Variants in NNT observed in about 807,000 individuals in gnomAD.
NNT encodes the protein NAD(P) transhydrogenase, mitochondrial.
A neutral mutation model predicts 104.8 loss-of-function variants in NNT; 50 were observed. The observed-to-expected ratio is 0.48, with a 90% CI of 0.38 to 0.60. The LOEUF (loss-of-function observed/expected upper bound fraction) is 0.60. Ranked by LOEUF, NNT falls within the 20% of genes least tolerant of loss-of-function variation. The probability of loss-of-function intolerance (pLI) is 0.00; values close to 1 mark genes in which losing one functional copy is unlikely to be tolerated. For synonymous variants in NNT, 461 were observed against 490.4 expected (o/e 0.94, Z 0.79); for missense variants, 1,131 against 1,330.7 (o/e 0.85, Z 2.33).
intron 19 of NNT, among the ~76,000 whole-genome samples, chr5:43,697,904 T>A (rs1443063046): frequency 6.6e-6 from 1 of 152,080 alleles, no homozygotes; most frequent in Non-Finnish European, 1.5e-5. Flanking sequence ...TTCCACCAGG[T>A]CCCTTCCACA....
At position 43,704,277 on chromosome 5, in the gene NNT, T is replaced by A; in HGVS notation, c.3134T>A (p.Leu1045Ter). ...SKQVIVMKRS[L>*]GVGYAAVDNP... is the part of the protein sequence containing the mutation. Reference sequence around the variant, plus strand: ...CAGGTGATTGTTATGAAGAGGTCTTTGGGTGTTGGCTATGCTGCAGTGGAC... The same window carrying A: ...CAGGTGATTGTTATGAAGAGGTCTTAGGGTGTTGGCTATGCTGCAGTGGAC... The change falls in exon 22 of 22, where the codon TTG (leucine) becomes TAG (stop). Residue 1045 changes from leucine (L) to a stop codon, truncating the protein, a stop_gained. Transcript: ENST00000344920. LOFTEE classifies it high-confidence loss of function. The A allele has an allele frequency of 6.3e-7, 1 of 1,593,668 alleles. No individual in the cohort carries two copies. Among genetic ancestry groups the A allele is most frequent in the South Asian group, 1.1e-5 (1 of 87,666 alleles).
intron 5 of NNT, among the ~76,000 whole-genome samples, chr5:43,621,204 G>T (rs558065232): frequency 3.0e-4 from 45 of 152,288 alleles, no homozygotes; most frequent in African/African-American, 1.1e-3. Flanking sequence ...TTTTGAATGC[G>T]GCCCAACACA....
chr5:43,658,870 C>T (rs1740198623), intron 16 of NNT, among the ~76,000 whole-genome samples: 1 of 152,128 alleles, frequency 6.6e-6, no homozygotes, highest in East Asian at 1.9e-4. Context: ...GGGAAATTCA[C>T]TTAGTGTCAT....
At chr5:43,701,684 A>G (rs187167561) in intron 20 of NNT, among the ~76,000 whole-genome samples, 2 of 152,288 alleles carry the variant, frequency 1.3e-5, no homozygotes, top group Non-Finnish European at 2.9e-5. Flanking sequence ...ACTAATTTAC[A>G]TTTCTACAAA....
chr5:43,649,018 T>G, intron 10 of NNT, 129 bp from the exon 11 acceptor site: 1 of 1,056,794 alleles, frequency 9.5e-7, no homozygotes. Context: ...GTCTAAAAAA[T>G]CTGCTCATTA....
intron 7 of NNT, among the ~76,000 whole-genome samples, chr5:43,639,187 A>G (rs1751093031): frequency 6.6e-6 from 1 of 152,140 alleles, no homozygotes; most frequent in African/African-American, 2.4e-5. Context: ...AAAAAGCAGA[A>G]CTTAGTTTTT....
rs1284877007 is a variant in NNT, at chr5:43,685,566, GT to G, written c.2876+7763del. Among the ~76,000 whole-genome samples, 3 of 152,220 alleles carry G rather than the reference GT, an allele frequency of 2.0e-5. No individual in the cohort carries two copies. The East Asian group carries it at 5.8e-4, about 29-fold the overall frequency. On this transcript the variant is annotated intron_variant, in intron 19 of 21. Coordinates refer to ENST00000344920, the MANE Select transcript of NNT (RefSeq NM_182977.3). ...AAAAATGGAAAAAGCACTCTAAATA[GT>G]TTAGAAAGGGGCCCAATTGTACTTA...
intron 17 of NNT, among the ~76,000 whole-genome samples, chr5:43,669,223 C>A (rs1483373588): frequency 6.6e-6 from 1 of 152,092 alleles, no homozygotes; most frequent in East Asian, 1.9e-4. Context: ...ATGTCATCTG[C>A]AAACAGGGAC....
Position 43,667,902 on chromosome 5 carries a change from C to T in NNT, c.2635-7609C>T, listed in dbSNP as rs571248199. On this transcript the variant is annotated intron_variant, in intron 17 of 21. Transcript: ENST00000344920. ...TCCCACCAACAGTGCAAAAGTGTTC[C>T]TATTTCTCCACATCCTCACCAGCAC... is the stretch of plus-strand genomic sequence containing the variant. Among the ~76,000 whole-genome samples the T allele has an allele frequency of 1.9e-4, 29 of 152,326 alleles. 1 individual carries two copies. The South Asian group carries it at 5.6e-3, about 29-fold the overall frequency.
At position 43,615,853 on chromosome 5, in the gene NNT, A is replaced by G; in HGVS notation, c.387A>G (p.Arg129=). 2.5e-6 allele frequency: 4 copies of G among 1,606,544 alleles called. No homozygotes were observed. The highest frequency in any genetic ancestry group is 3.4e-6 in the Non-Finnish European group (4 of 1,176,880). The change falls in exon 4 of 22, where the codon CGA becomes CGG. Residue 129 remains arginine (R), a synonymous_variant. Transcript: ENST00000344920. ...TGACTTGATTTTTTCCCCAGGTGCG[A>G]GCCCCTATGGTTAATCCAACATTAG... ...VLASDLVVKV[R]APMVNPTLGV...
At position 43,662,619 on chromosome 5, in the gene NNT, G is replaced by A. The variant is rs560142187; in HGVS notation, c.2634+3269G>A. On this transcript the variant is annotated intron_variant, in intron 17 of 21. Transcript: ENST00000344920. ...ATTAAAAAAAAAATTCTGGCCAGGC[G>A]CCGTGGCTCATGCCTGTAATTCTAG... Among the ~76,000 whole-genome samples, 20 of 152,160 alleles carry A rather than the reference G, an allele frequency of 1.3e-4. No individual in the cohort carries two copies. In the South Asian group the frequency reaches 3.7e-3, roughly 28 times the overall value.
chr5:43,650,574 T>C lies in NNT; in HGVS notation c.1704T>C (p.Ser568=). 1 of 1,613,056 alleles carries C rather than the reference T, an allele frequency of 6.2e-7. No individual in the cohort carries two copies. Among genetic ancestry groups the C allele is most frequent in the Non-Finnish European group, 8.5e-7 (1 of 1,178,996 alleles). Residue 568 remains serine (S), a synonymous_variant, in exon 12 of 22, where the codon TCT becomes TCC. Transcript: ENST00000344920. ...CTGCTCTTGCTGCATTCATATCCTCTGTCAACATTGCAGGTATGATGTCAG... is the reference window on the plus strand; with the variant it reads ...CTGCTCTTGCTGCATTCATATCCTCCGTCAACATTGCAGGTATGATGTCAG... ...GLAALAAFIS[S]VNIAGGFLVT...
chr5:43,694,039 C>T (rs892634652), intron 19 of NNT, among the ~76,000 whole-genome samples: 8 of 152,082 alleles, frequency 5.3e-5, no homozygotes, highest in Admixed American at 2.0e-4. Context: ...CATGGAATTT[C>T]GTAATGTGGA....
intron 7 of NNT, among the ~76,000 whole-genome samples, chr5:43,642,597 G>T (rs570909149): frequency 6.6e-6 from 1 of 152,148 alleles, no homozygotes; most frequent in Non-Finnish European, 1.5e-5. Flanking sequence ...AAATCATGTG[G>T]CAGCGAGCCC....
At chr5:43,626,514 C>T (rs1358116440) in intron 6 of NNT, among the ~76,000 whole-genome samples, 2 of 151,940 alleles carry the variant, frequency 1.3e-5, no homozygotes, top group African/African-American at 4.8e-5. Flanking sequence ...AAAAGATATA[C>T]ACATTTTAAA....
chr5:43,700,766 T>C (rs1376125350), intron 20 of NNT, among the ~76,000 whole-genome samples: 1 of 152,272 alleles, frequency 6.6e-6, no homozygotes, highest in African/African-American at 2.4e-5. Flanking sequence ...AGGGTAGATG[T>C]TGAATGGTAA....
intron 17 of NNT, chr5:43,667,348 C>T (rs546931602): frequency 2.1e-4 from 109 of 529,392 alleles, no homozygotes; most frequent in Middle Eastern, 5.4e-4. Flanking sequence ...TGTATACATG[C>T]GCCATGTTGG....
At chr5:43,648,080 A>C in intron 10 of NNT, 2 of 1,221,178 alleles carry the variant, frequency 1.6e-6, no homozygotes, top group Non-Finnish European at 2.1e-6. Context: ...ACCCTATGCA[A>C]CTTCTCTAAT....
chr5:43,607,046 C>G (rs1749261734), intron 1 of NNT, among the ~76,000 whole-genome samples: 1 of 151,408 alleles, frequency 6.6e-6, no homozygotes, highest in Admixed American at 6.6e-5. Flanking sequence ...GGCAGGCTGG[C>G]AGGCTGGAGT....
Sources: allele counts gnomAD v4.1 joint callset (sites outside exome capture counted in the v4.1 genomes callset), GRCh38; gene constraint gnomAD v4.1.1; transcripts MANE v1.5; gene names NCBI Gene and HGNC (gene_info 2026-07-23, HGNC 2026-07-21).